The following MARK3 variants were observed in gnomAD, a reference collection of about 807,000 sequenced individuals.
MARK3 encodes the protein MAP/microtubule affinity-regulating kinase 3.
A neutral mutation model predicts 90.1 loss-of-function variants in MARK3; 46 were observed. That is an observed-to-expected ratio of 0.51 (90% CI 0.40 to 0.65). The LOEUF is 0.65. MARK3 is among the 30% of genes least tolerant of loss of function. The pLI, the probability that MARK3 is intolerant of heterozygous loss-of-function variation, is 0.00. For missense variants in MARK3, 818 were observed against 947.2 expected (o/e 0.86, Z 1.79); for synonymous variants, 321 against 332.6 (o/e 0.97, Z 0.38).
intron 1 of MARK3, among the ~76,000 whole-genome samples, chr14:103,391,486 C>A (rs1793718438): frequency 6.6e-6 from 1 of 151,472 alleles, no homozygotes; most frequent in African/African-American, 2.4e-5. Flanking sequence ...TTAAACTGTT[C>A]AAATTAGAAT....
At chr14:103,471,930 G>T (rs566236005) in intron 12 of MARK3, among the ~76,000 whole-genome samples, 21 of 152,318 alleles carry the variant, frequency 1.4e-4, no homozygotes, top group Non-Finnish European at 2.6e-4. Flanking sequence ...CAAATATAGG[G>T]CTGGGCGCAG....
At chr14:103,409,445 A>T (rs2091502989) in intron 2 of MARK3, among the ~76,000 whole-genome samples, 2 of 84,332 alleles carry the variant, frequency 2.4e-5, no homozygotes, top group African/African-American at 1.1e-4. Flanking sequence ...TAAAAAAAAA[A>T]AAAAAAAAAA....
At chr14:103,396,172 C>CG (rs1555369463) in intron 1 of MARK3, among the ~76,000 whole-genome samples, 4 of 152,114 alleles carry the variant, frequency 2.6e-5, no homozygotes, top group African/African-American at 9.7e-5. Flanking sequence ...AGAGGAGACC[C>CG]GGGGGTCTGT....
intron 13 of MARK3, among the ~76,000 whole-genome samples, chr14:103,477,849 A>G (rs1029558245): frequency 2.0e-5 from 3 of 152,036 alleles, no homozygotes; most frequent in Non-Finnish European, 4.4e-5. Context: ...AAAATAGCTG[A>G]GCGTGATGAT....
At chr14:103,392,873 C>A (rs1453158178) in intron 1 of MARK3, among the ~76,000 whole-genome samples, 1 of 151,006 alleles carries the variant, frequency 6.6e-6, no homozygotes, top group Admixed American at 6.6e-5. Context: ...TGCAGTGGCA[C>A]GATCTCGCTC....
intron 2 of MARK3, among the ~76,000 whole-genome samples, chr14:103,424,563 A>AGG (rs1349498497): frequency 6.6e-6 from 1 of 151,810 alleles, no homozygotes; most frequent in Non-Finnish European, 1.5e-5. Flanking sequence ...TTAGAATAGG[A>AGG]GGAGGATATT....
chr14:103,474,911 C>A lies in MARK3; in HGVS notation c.1265-82C>A, dbSNP rs2093689521. 5.5e-6 allele frequency: 6 copies of A among 1,089,882 alleles called. No homozygotes were observed. The East Asian group carries it at 1.5e-4, about 27-fold the overall frequency. 67.5% of individuals were successfully genotyped at this position (1,089,882 alleles called of 1,614,324 possible). On this transcript the variant is annotated intron_variant, in intron 12 of 17. Transcript: ENST00000429436. ...TTTTAGGTGAATAGCAACCTTAGATCATCTTACAAAATATGGTTACTGTCA... is the reference window on the plus strand; with the variant it reads ...TTTTAGGTGAATAGCAACCTTAGATAATCTTACAAAATATGGTTACTGTCA...
intron 11 of MARK3, 146 bp downstream of exon 11, chr14:103,467,337 A>G (rs988841085): frequency 2.8e-5 from 14 of 503,814 alleles, no homozygotes; most frequent in Non-Finnish European, 4.6e-5. Context: ...TCTAAATCCT[A>G]TGACTATTAT....
intron 7 of MARK3, among the ~76,000 whole-genome samples, chr14:103,464,383 C>T (rs2093463905): frequency 6.7e-6 from 1 of 150,066 alleles, no homozygotes; most frequent in African/African-American, 2.5e-5. Flanking sequence ...ACTGCAACCT[C>T]CACCTCGCAG....
At chr14:103,386,145 C>A in intron 1 of MARK3, 65 bp downstream of exon 1, 2 of 1,464,846 alleles carry the variant, frequency 1.4e-6, no homozygotes, top group Non-Finnish European at 1.9e-6. Flanking sequence ...TCGGGCAGTG[C>A]CTTGCAGTCG....
chr14:103,427,531 G>C (rs2092450933), intron 2 of MARK3, among the ~76,000 whole-genome samples: 1 of 133,822 alleles, frequency 7.5e-6, no homozygotes, highest in Non-Finnish European at 1.7e-5. Flanking sequence ...AAGAATGGCT[G>C]CTCCATAGAC....
chr14:103,450,919 T>TGTGTGTGTG (rs374293977), intron 4 of MARK3, among the ~76,000 whole-genome samples: 4 of 79,928 alleles, frequency 5.0e-5, no homozygotes, highest in South Asian at 4.2e-4. Flanking sequence ...TGTGTGTGTA[T>TGTGTGTGTG]TCTTTTTTTT....
chr14:103,470,210 T>A (rs1430526010), intron 12 of MARK3, among the ~76,000 whole-genome samples: 5 of 152,088 alleles, frequency 3.3e-5, no homozygotes, highest in African/African-American at 1.2e-4. Flanking sequence ...TTCTCATCCA[T>A]ACTCTTGCTG....
chr14:103,416,865 A>G (rs2091964739), intron 2 of MARK3, among the ~76,000 whole-genome samples: 1 of 152,228 alleles, frequency 6.6e-6, no homozygotes. Context: ...TGGTAGTAGG[A>G]GCTTGTAGAA....
chr14:103,447,081 A>G (rs2093015535), intron 3 of MARK3, among the ~76,000 whole-genome samples: 1 of 152,160 alleles, frequency 6.6e-6, no homozygotes, highest in Non-Finnish European at 1.5e-5. Flanking sequence ...TATTTTAGAT[A>G]GGAAAGGTTA....
chr14:103,470,568 G>A lies in MARK3; in HGVS notation c.1264+2382G>A, dbSNP rs931566370. On this transcript the variant is annotated intron_variant, in intron 12 of 17. Transcript: ENST00000429436. ...CCTCCTGGGTTCTAGCAATTCTCCT[G>A]CCTCAGCCTCCCGAGTAGCTGGGAC... is the stretch of plus-strand genomic sequence containing the variant. Among the ~76,000 whole-genome samples the A allele has an allele frequency of 3.4e-5, 5 of 146,036 alleles. No homozygotes were observed. In the East Asian group the frequency reaches 1.0e-3, roughly 30 times the overall value.
intron 14 of MARK3, among the ~76,000 whole-genome samples, chr14:103,488,234 G>T (rs1198598990): frequency 6.6e-6 from 1 of 152,044 alleles, no homozygotes; most frequent in Non-Finnish European, 1.5e-5. Context: ...ACTAAAAAAA[G>T]TCCAGGGCTA....
intron 3 of MARK3, among the ~76,000 whole-genome samples, chr14:103,430,204 C>T (rs1460988370): frequency 6.6e-6 from 1 of 152,026 alleles, no homozygotes; most frequent in African/African-American, 2.4e-5. Flanking sequence ...TATTCTAAAG[C>T]CAGCTCTATC....
intron 2 of MARK3, among the ~76,000 whole-genome samples, chr14:103,406,235 G>A (rs756179019): frequency 4.0e-5 from 6 of 151,262 alleles, no homozygotes; most frequent in Non-Finnish European, 8.8e-5. Flanking sequence ...GGGGGGTGTC[G>A]GGGGTTGGGA....
Sources: allele counts gnomAD v4.1 joint callset (sites outside exome capture counted in the v4.1 genomes callset), GRCh38; gene constraint gnomAD v4.1.1; transcripts MANE v1.5; gene names NCBI Gene and HGNC (gene_info 2026-07-23, HGNC 2026-07-21).